The following CCDC146 variants were observed in gnomAD, a reference collection of about 807,000 sequenced individuals.
The protein encoded by CCDC146 is coiled-coil domain-containing protein 146.
CCDC146 carries 92 observed loss-of-function variants against 119.3 expected under a neutral mutation model. The ratio of observed to expected loss-of-function variants is 0.77; its 90% CI spans 0.65 to 0.92. The LOEUF (loss-of-function observed/expected upper bound fraction) is 0.92, where lower values mean the gene tolerates loss of function less well. Ranked by LOEUF, CCDC146 falls within the 40% of genes least tolerant of loss-of-function variation. The pLI is 0.00. For missense variants in CCDC146, 1,000 were observed against 1,103.0 expected (o/e 0.91, Z 1.32); for synonymous variants, 372 against 371.8 (o/e 1.00, Z -0.01).
At chr7:77,258,851 A>G in intron 6 of CCDC146, 144 bp from the exon 7 acceptor site, 1 of 628,338 alleles carries the variant, frequency 1.6e-6, no homozygotes, top group Non-Finnish European at 2.9e-6. Flanking sequence ...CACCGTGAGT[A>G]TTAAATGGGA....
intron 11 of CCDC146, among the ~76,000 whole-genome samples, chr7:77,276,556 G>A (rs1442243309): frequency 6.6e-6 from 1 of 152,134 alleles, no homozygotes; most frequent in Non-Finnish European, 1.5e-5. Context: ...ACCAGAGAGC[G>A]GGACAAGTCA....
chr7:77,291,409 TAA>T (rs199545071), intron 17 of CCDC146, among the ~76,000 whole-genome samples: 62 of 146,606 alleles, frequency 4.2e-4, no homozygotes, highest in African/African-American at 1.0e-3. Flanking sequence ...ATTAATAGGT[TAA>T]AAAAAAAAAA....
chr7:77,260,102 G>C lies in CCDC146; in HGVS notation c.852G>C (p.Val284=). ...KKVENKVSAI[V]DEKENVIKEV... ...TTGAAAACAAGGTTAGTGCTATAGTGGATGAGAAGGAAAATGTAATAAAGG... is the reference window on the plus strand; with the variant it reads ...TTGAAAACAAGGTTAGTGCTATAGTCGATGAGAAGGAAAATGTAATAAAGG... Residue 284 remains valine, a synonymous_variant, in exon 8 of 19, where the codon GTG becomes GTC. Transcript: ENST00000285871. 4.3e-6 allele frequency: 7 copies of C among 1,613,882 alleles called. No individual in the cohort carries two copies. Among genetic ancestry groups the C allele is most frequent in the Non-Finnish European group, 5.9e-6 (7 of 1,179,974 alleles).
At chr7:77,142,302 G>T (rs1584020103) in intron 1 of CCDC146, among the ~76,000 whole-genome samples, 1 of 130,904 alleles carries the variant, frequency 7.6e-6, no homozygotes, top group African/African-American at 2.8e-5. Context: ...TGACATGATT[G>T]TACATTTATT....
chr7:77,236,723 G>A (rs975352829), intron 2 of CCDC146, among the ~76,000 whole-genome samples: 1 of 152,142 alleles, frequency 6.6e-6, no homozygotes, highest in African/African-American at 2.4e-5. Context: ...TAACAGCCTA[G>A]GGAGTTGAAA....
intron 9 of CCDC146, among the ~76,000 whole-genome samples, chr7:77,262,746 G>A (rs1353494977): frequency 6.6e-6 from 1 of 152,188 alleles, no homozygotes; most frequent in Non-Finnish European, 1.5e-5. Context: ...ACTAGCCAAG[G>A]GCAATCCAGA....
chr7:77,271,539 T>C (rs1231424433), intron 9 of CCDC146, among the ~76,000 whole-genome samples: 3 of 79,368 alleles, frequency 3.8e-5, no homozygotes, highest in African/African-American at 2.4e-4. Context: ...TATATATATA[T>C]ATATATATAT....
At chr7:77,151,900 G>T (rs1476012835) in intron 1 of CCDC146, among the ~76,000 whole-genome samples, 2 of 152,136 alleles carry the variant, frequency 1.3e-5, no homozygotes, top group East Asian at 3.9e-4. Context: ...TTTCATCCCA[G>T]TTTCAAGGAC....
intron 2 of CCDC146, among the ~76,000 whole-genome samples, chr7:77,203,045 C>G (rs971825564): frequency 2.1e-4 from 20 of 95,582 alleles, no homozygotes; most frequent in African/African-American, 7.6e-4. Flanking sequence ...CCCCCCCCCC[C>G]AGGACTATTT....
At chr7:77,292,702 T>C (rs560516269) in intron 17 of CCDC146, among the ~76,000 whole-genome samples, 2 of 152,232 alleles carry the variant, frequency 1.3e-5, no homozygotes, top group East Asian at 3.9e-4. Flanking sequence ...CTCAATGTTA[T>C]TCACCTTGAA....
In CCDC146 at chr7:77,274,639, T is replaced by A; in HGVS notation, c.1427T>A (p.Phe476Tyr). The A allele has an allele frequency of 6.2e-7, 1 of 1,608,538 alleles. No homozygotes were observed. Among genetic ancestry groups the A allele is most frequent in the East Asian group, 2.2e-5 (1 of 44,844 alleles). ...IDEKEQKSKD[F>Y]LKAQQKYTNI... Reference sequence around the variant, plus strand: ...GAAAAGGAACAAAAGTCCAAGGATTTCCTGAAAGCTCAGGTAACTGCATTT... The same window carrying A: ...GAAAAGGAACAAAAGTCCAAGGATTACCTGAAAGCTCAGGTAACTGCATTT... The change falls in exon 11 of 19, where the codon TTC (phenylalanine) becomes TAC (tyrosine). Residue 476 changes from phenylalanine (F) to tyrosine (Y), a missense_variant. Around this residue, in one of 2 missense-constraint regions of CCDC146, gnomAD observed 985 missense variants for 1,045.3 expected, o/e 0.94. Coordinates refer to ENST00000285871, the MANE Select transcript of CCDC146 (RefSeq NM_020879.3).
intron 4 of CCDC146, among the ~76,000 whole-genome samples, chr7:77,249,486 C>CAAAAA (rs36137608): frequency 1.0e-5 from 1 of 96,754 alleles, no homozygotes; most frequent in Admixed American, 1.1e-4. Context: ...GACTCTGTCT[C>CAAAAA]AAAAAAAAAA....
At chr7:77,287,247 G>A in intron 16 of CCDC146, 193 bp from the exon 17 acceptor site, 1 of 613,046 alleles carries the variant, frequency 1.6e-6, no homozygotes, top group Non-Finnish European at 2.9e-6. Context: ...ATGTTAGATA[G>A]AGCTGAGGGG....
At chr7:77,288,969 G>A (rs980289709) in intron 17 of CCDC146, among the ~76,000 whole-genome samples, 2 of 152,182 alleles carry the variant, frequency 1.3e-5, no homozygotes, top group African/African-American at 2.4e-5. Context: ...GACTATCTTT[G>A]CCATTTTTAT....
At chr7:77,240,518 C>T (rs1409853442) in intron 3 of CCDC146, among the ~76,000 whole-genome samples, 1 of 152,174 alleles carries the variant, frequency 6.6e-6, no homozygotes, top group East Asian at 1.9e-4. Flanking sequence ...CTCCTGTATA[C>T]TTTAAATCAT....
At chr7:77,207,948 T>A (rs1308464899) in intron 2 of CCDC146, among the ~76,000 whole-genome samples, 2 of 152,208 alleles carry the variant, frequency 1.3e-5, no homozygotes, top group Non-Finnish European at 2.9e-5. Context: ...CAACAAACAC[T>A]TACTTTGCAT....
chr7:77,188,684 C>T (rs1467502802), intron 2 of CCDC146, among the ~76,000 whole-genome samples: 3 of 152,090 alleles, frequency 2.0e-5, no homozygotes, highest in Non-Finnish European at 2.9e-5. Context: ...AGGTGTCTTC[C>T]TAAGTTAAAA....
intron 2 of CCDC146, among the ~76,000 whole-genome samples, chr7:77,219,266 TAAAA>T (rs1179959708): frequency 6.6e-6 from 1 of 152,182 alleles, no homozygotes; most frequent in Non-Finnish European, 1.5e-5. Context: ...TTTTTAAACT[TAAAA>T]AAGTTTTCCT....
At chr7:77,213,860 C>G (rs1792249911) in intron 2 of CCDC146, among the ~76,000 whole-genome samples, 1 of 152,128 alleles carries the variant, frequency 6.6e-6, no homozygotes, top group Non-Finnish European at 1.5e-5. Flanking sequence ...TTTTCTTTAT[C>G]TAATCCTAAT....
Sources: allele counts gnomAD v4.1 joint callset (sites outside exome capture counted in the v4.1 genomes callset), GRCh38; gene constraint gnomAD v4.1.1; regional missense constraint gnomAD v4.1.1; transcripts MANE v1.5; gene names NCBI Gene and HGNC (gene_info 2026-07-23, HGNC 2026-07-21).